APTX: variants seen among roughly 807,000 people sequenced by gnomAD.
The protein encoded by APTX is aprataxin.
A neutral mutation model predicts 42.3 loss-of-function variants in APTX; 33 were observed. The ratio of observed to expected loss-of-function variants is 0.78; its 90% CI spans 0.59 to 1.04. The LOEUF (loss-of-function observed/expected upper bound fraction) is 1.04. Among genes scored for constraint, APTX ranks in the 50% least tolerant of loss-of-function variants. APTX has a pLI of 0.00. For missense variants in APTX, 421 were observed against 415.1 expected, an observed-to-expected ratio of 1.01 and a Z score of -0.12; for synonymous variants, 130 against 146.7, an observed-to-expected ratio of 0.89 and a Z score of 0.82.
At chr9:33,015,322 GAGA>G (rs1837819468) in intron 1 of APTX, among the ~76,000 whole-genome samples, 3 of 152,162 alleles carry the variant, frequency 2.0e-5, no homozygotes, top group Non-Finnish European at 4.4e-5. Flanking sequence ...AAAGGCATTA[GAGA>G]AGATCTTGCA....
intron 6 of APTX, among the ~76,000 whole-genome samples, chr9:32,981,994 T>TA (rs542450072): frequency 0.11 from 15,674 of 141,550 alleles, 906 homozygotes; most frequent in Middle Eastern, 0.19. Context: ...ATTCATGAAT[T>TA]AAAAAAAAAA....
intron 1 of APTX, among the ~76,000 whole-genome samples, chr9:33,013,189 A>G (rs1229627472): frequency 6.6e-6 from 1 of 152,146 alleles, no homozygotes; most frequent in Non-Finnish European, 1.5e-5. Flanking sequence ...ATATGTGGAT[A>G]CTCTTCTGCA....
chr9:32,984,289 G>A (rs1831371333), intron 6 of APTX, among the ~76,000 whole-genome samples: 1 of 152,076 alleles, frequency 6.6e-6, no homozygotes, highest in East Asian at 1.9e-4. Context: ...ATCATTCTGG[G>A]GTTATAGACG....
intron 1 of APTX, among the ~76,000 whole-genome samples, chr9:33,007,408 A>G (rs1410685943): frequency 6.6e-6 from 1 of 152,218 alleles, no homozygotes; most frequent in African/African-American, 2.4e-5. Context: ...GCAAGAATGG[A>G]CTAGTGGGGA....
chr9:32,989,621 G>T, intron 2 of APTX, 138 bp downstream of exon 2: 1 of 1,299,920 alleles, frequency 7.7e-7, no homozygotes, highest in Non-Finnish European at 1.1e-6. Flanking sequence ...CCCTGGTGTT[G>T]GCTAAAAGAG....
chr9:33,014,968 C>T (rs1402374230), intron 1 of APTX, among the ~76,000 whole-genome samples: 1 of 152,218 alleles, frequency 6.6e-6, no homozygotes, highest in African/African-American at 2.4e-5. Context: ...TCTTCAGATA[C>T]CATGAATTGT....
In APTX at chr9:32,984,805, CG is replaced by C. The variant is rs1563961157; in HGVS notation, c.595del (p.Arg199ValfsTer15). 6.2e-7 allele frequency: 1 copy of C among 1,614,150 alleles called. No individual in the cohort carries two copies. The highest frequency in any genetic ancestry group is 1.3e-5 in the African/African-American group (1 of 75,026). On this transcript the variant is annotated frameshift_variant, in exon 6 of 8. Transcript: ENST00000379817. LOFTEE classifies it high-confidence loss of function. ...CCACGGTAAGACCAGCCAATGGTAA[CG>C]GGCCTTTGGGTATTTATCCTTTATC... ...VVIKDKYPKA[R>X]YHWLVLPWTS...
At position 32,973,427 on chromosome 9, in the gene APTX, G is replaced by A. The variant is rs757291328; in HGVS notation, c.*71C>T. 11 of 1,547,026 alleles carry A rather than the reference G, an allele frequency of 7.1e-6. No individual in the cohort carries two copies. In the East Asian group the frequency reaches 2.5e-4, roughly 35 times the overall value. Reference sequence around the variant, plus strand: ...TTAGGAAATGAGTAGAAGTTCACAAGCAACCCAGAATAGGTGCCAGCAGTT... The same window carrying A: ...TTAGGAAATGAGTAGAAGTTCACAAACAACCCAGAATAGGTGCCAGCAGTT... On this transcript the variant is annotated 3_prime_UTR_variant, in exon 8 of 8. Transcript: ENST00000379817.
At chr9:32,986,171 T>A in intron 4 of APTX, 141 bp from the exon 5 acceptor site, 1 of 843,632 alleles carries the variant, frequency 1.2e-6, no homozygotes, top group Non-Finnish European at 2.0e-6. Flanking sequence ...TTTTGAGAAT[T>A]AAACAAGATT....
intron 1 of APTX, among the ~76,000 whole-genome samples, chr9:33,011,714 C>G (rs1216406099): frequency 6.6e-6 from 1 of 152,212 alleles, no homozygotes; most frequent in Admixed American, 6.5e-5. Flanking sequence ...AGTGCCTTCT[C>G]TGTGTCACGC....
rs1828513002 is a variant in APTX at position 32,973,437 on chromosome 9, A to G, written c.*61T>C. ...AGTAGAAGTTCACAAGCAACCCAGAATAGGTGCCAGCAGTTTGCTCCAGTG... is the reference window on the plus strand; with the variant it reads ...AGTAGAAGTTCACAAGCAACCCAGAGTAGGTGCCAGCAGTTTGCTCCAGTG... On this transcript the variant is annotated 3_prime_UTR_variant, in exon 8 of 8. Coordinates refer to ENST00000379817, the MANE Select transcript of APTX (RefSeq NM_001195248.2). The G allele has an allele frequency of 6.3e-7, 1 of 1,578,354 alleles. No individual in the cohort carries two copies. The highest frequency in any genetic ancestry group is 1.1e-5 in the South Asian group (1 of 89,820).
chr9:33,023,039 G>T (rs550875077), intron 1 of APTX, among the ~76,000 whole-genome samples: 1 of 152,098 alleles, frequency 6.6e-6, no homozygotes, highest in Admixed American at 6.5e-5. Flanking sequence ...ATGTTGCTCA[G>T]GCTGGTCTCA....
chr9:33,017,551 G>C (rs966574107), intron 1 of APTX, among the ~76,000 whole-genome samples: 1 of 152,164 alleles, frequency 6.6e-6, no homozygotes, highest in Admixed American at 6.6e-5. Context: ...CATCAACTTG[G>C]GGATTTCCAA....
intron 2 of APTX, among the ~76,000 whole-genome samples, chr9:32,989,244 T>G (rs1832957467): frequency 1.3e-5 from 2 of 152,152 alleles, no homozygotes; most frequent in Non-Finnish European, 1.5e-5. Context: ...GGGGTCACAC[T>G]CCAGCCAGCA....
At chr9:33,019,947 A>G (rs557374966) in intron 1 of APTX, 97 of 468,946 alleles carry the variant, frequency 2.1e-4, no homozygotes, top group Middle Eastern at 1.1e-3. Context: ...CTGAGGGTGA[A>G]TATGTGCGGC....
At chr9:33,005,450 T>A (rs895598258), upstream of APTX, among the ~76,000 whole-genome samples, 4 of 152,064 alleles carry the variant, frequency 2.6e-5, no homozygotes, top group African/African-American at 7.3e-5. Context: ...TGTTTTTGTT[T>A]TTGTGAGACA....
At chr9:32,975,057 G>A (rs547634029) in intron 6 of APTX, among the ~76,000 whole-genome samples, 13 of 152,252 alleles carry the variant, frequency 8.5e-5, no homozygotes, top group African/African-American at 3.1e-4. Flanking sequence ...TAGGTCTGTG[G>A]GAAGAGTGTC....
intron 1 of APTX, among the ~76,000 whole-genome samples, chr9:33,018,831 A>T (rs564239781): frequency 8.5e-5 from 13 of 152,204 alleles, no homozygotes; most frequent in Non-Finnish European, 1.0e-4. Context: ...GTGACCCAAC[A>T]TCACGCCATT....
upstream of APTX, among the ~76,000 whole-genome samples, chr9:33,002,252 C>T (rs1366072295): frequency 6.6e-6 from 1 of 152,016 alleles, no homozygotes; most frequent in Admixed American, 6.6e-5. Flanking sequence ...ATCCCTATCT[C>T]GGAGGTAAAA....
Sources: allele counts gnomAD v4.1 joint callset (sites outside exome capture counted in the v4.1 genomes callset), GRCh38; gene constraint gnomAD v4.1.1; transcripts MANE v1.5; gene names NCBI Gene and HGNC (gene_info 2026-07-23, HGNC 2026-07-21).